Variants in ATP2B4 observed in about 807,000 individuals in gnomAD.
ATP2B4 encodes the protein plasma membrane calcium-transporting ATPase 4.
ATP2B4 carries 39 observed loss-of-function variants against 110.3 expected under a neutral mutation model. The ratio of observed to expected loss-of-function variants is 0.35; its 90% CI spans 0.27 to 0.46. The LOEUF (loss-of-function observed/expected upper bound fraction) is 0.46. ATP2B4 is among the 20% of genes least tolerant of loss of function. ATP2B4 has a pLI of 1.00. For synonymous variants in ATP2B4, 538 were observed against 571.7 expected (o/e 0.94, Z 0.84); for missense variants, 1,135 against 1,530.9 (o/e 0.74, Z 4.32).
chr1:203,712,028 C>T lies in ATP2B4; in HGVS notation c.2100C>T (p.Ile700=). The T allele has an allele frequency of 6.2e-7, 1 of 1,614,140 alleles. No homozygotes were observed. Among genetic ancestry groups the T allele is most frequent in the Non-Finnish European group, 8.5e-7 (1 of 1,180,000 alleles). The change falls in exon 13 of 21, where the codon ATC becomes ATT. Residue 700 remains isoleucine (I), a synonymous_variant. Transcript: ENST00000357681. ...TCAGAATGGTGACAGGTGACAACAT[C>T]AACACAGCCCGGGCCATTGCCACCA... ...ITVRMVTGDN[I]NTARAIATKC...
intron 1 of ATP2B4, among the ~76,000 whole-genome samples, chr1:203,652,421 C>T (rs140938549): frequency 0.011 from 1,687 of 152,288 alleles, 35 homozygotes; most frequent in African/African-American, 0.039. Context: ...GCTGGGATTA[C>T]AGGCGTGAGC....
At chr1:203,660,966 C>T (rs566414530) in intron 1 of ATP2B4, among the ~76,000 whole-genome samples, 67 of 151,448 alleles carry the variant, frequency 4.4e-4, no homozygotes, top group Non-Finnish European at 5.9e-4. Flanking sequence ...AAAAATTAGC[C>T]GGGCATGGTG....
chr1:203,734,927 C>T (rs907213293), intron 20 of ATP2B4, among the ~76,000 whole-genome samples: 2 of 147,132 alleles, frequency 1.4e-5, no homozygotes, highest in African/African-American at 5.0e-5. Flanking sequence ...TCGCTGGAAC[C>T]CAGGAGGCGG....
At chr1:203,655,697 A>G (rs1664140022) in intron 1 of ATP2B4, among the ~76,000 whole-genome samples, 1 of 152,016 alleles carries the variant, frequency 6.6e-6, no homozygotes. Flanking sequence ...AAGAAAAGGA[A>G]AAAATGCTGT....
chr1:203,672,864 T>A (rs1339888978), intron 1 of ATP2B4, among the ~76,000 whole-genome samples: 1 of 152,188 alleles, frequency 6.6e-6, no homozygotes, highest in Non-Finnish European at 1.5e-5. Flanking sequence ...TGGCTTGTTT[T>A]AACTTTTCGA....
intron 1 of ATP2B4, among the ~76,000 whole-genome samples, chr1:203,659,407 A>T (rs1487555041): frequency 6.6e-6 from 1 of 152,186 alleles, no homozygotes; most frequent in Admixed American, 6.5e-5. Context: ...AGTGGCTCAC[A>T]CCCATAATCC....
rs769195846 is a variant in ATP2B4, at chr1:203,713,136, C to T, written c.2212-29C>T. 4 of 1,612,860 alleles carry T rather than the reference C, an allele frequency of 2.5e-6. No individual in the cohort carries two copies. The Admixed American group carries it at 5.0e-5, about 20-fold the overall frequency. On this transcript the variant is annotated intron_variant, in intron 13 of 20. Coordinates refer to ENST00000357681, the MANE Select transcript of ATP2B4 (RefSeq NM_001684.5). ...TCCTGGATAGCTTTTCTGCATTTGA[C>T]TGATCCAGGTGTGGTCTGGTGTTGG...
At chr1:203,702,485 T>C (rs934182276) in intron 7 of ATP2B4, among the ~76,000 whole-genome samples, 13 of 152,190 alleles carry the variant, frequency 8.5e-5, no homozygotes, top group African/African-American at 3.1e-4. Context: ...CACCGTCCTC[T>C]TGCTAGCTTC....
At chr1:203,733,226 G>A (rs572359038) in intron 20 of ATP2B4, 22 of 1,611,160 alleles carry the variant, frequency 1.4e-5, no homozygotes, top group East Asian at 1.1e-4. Context: ...TTTGCAGATC[G>A]ACGTAATTAA....
At chr1:203,724,865 CTGTTTTTTTT>C (rs1393591916) in intron 19 of ATP2B4, among the ~76,000 whole-genome samples, 6 of 101,496 alleles carry the variant, frequency 5.9e-5, no homozygotes, top group African/African-American at 2.5e-4. Context: ...ATCCAGCTCT[CTGTTTTTTTT>C]TTTTTTTTTT....
chr1:203,644,185 G>C (rs968770862), intron 1 of ATP2B4, among the ~76,000 whole-genome samples: 2 of 151,236 alleles, frequency 1.3e-5, no homozygotes, highest in African/African-American at 4.9e-5. Flanking sequence ...TGGAGGCAGA[G>C]GTGGCAGTAA....
intron 1 of ATP2B4, among the ~76,000 whole-genome samples, chr1:203,671,604 G>A (rs376951602): frequency 3.9e-5 from 6 of 152,096 alleles, no homozygotes; most frequent in Admixed American, 2.0e-4. Flanking sequence ...CTAACCCCTC[G>A]GCCAAAAACC....
intron 1 of ATP2B4, among the ~76,000 whole-genome samples, chr1:203,680,869 T>C: frequency 6.6e-6 from 1 of 152,162 alleles, no homozygotes; most frequent in Non-Finnish European, 1.5e-5. Context: ...ACAGAAAAGG[T>C]AAAATCCTCT....
intron 1 of ATP2B4, among the ~76,000 whole-genome samples, chr1:203,658,533 A>AAAAAAAAG (rs1163886954): frequency 1.3e-4 from 19 of 151,944 alleles, no homozygotes; most frequent in African/African-American, 4.6e-4. Flanking sequence ...CCTGTCTCAA[A>AAAAAAAAG]AAAAAAAGAA....
At chr1:203,641,282 G>A (rs763967732) in intron 1 of ATP2B4, among the ~76,000 whole-genome samples, 5 of 152,146 alleles carry the variant, frequency 3.3e-5, no homozygotes, top group Non-Finnish European at 5.9e-5. Flanking sequence ...CAGTCCAAAC[G>A]CCAACAGATG....
At chr1:203,718,330 ACT>A (rs749872797) in intron 15 of ATP2B4, among the ~76,000 whole-genome samples, 7 of 151,396 alleles carry the variant, frequency 4.6e-5, no homozygotes, top group Non-Finnish European at 8.8e-5. Context: ...ACACAGTCTC[ACT>A]CTGTCGCCCA....
intron 1 of ATP2B4, among the ~76,000 whole-genome samples, chr1:203,652,089 G>T (rs1441259367): frequency 1.4e-5 from 2 of 147,028 alleles, no homozygotes; most frequent in Non-Finnish European, 3.0e-5. Context: ...ACCCTTTAGA[G>T]ACAAACAAAA....
At position 203,727,382 on chromosome 1, in the gene ATP2B4, C is replaced by T. The variant is rs574661850; in HGVS notation, c.3133-13C>T. The T allele has an allele frequency of 6.4e-5, 104 of 1,613,468 alleles. No homozygotes were observed. The Middle Eastern group carries it at 8.3e-4, about 13-fold the overall frequency. The stretch of plus-strand genomic sequence containing the variant: ...GATTCTGACGTCTTCCTCTTCGCTG[C>T]GCTTGTTTTCAGTTCATCTCCGCAA... On this transcript the variant is annotated splice_polypyrimidine_tract_variant and intron_variant, in intron 19 of 20. Coordinates refer to ENST00000357681, the MANE Select transcript of ATP2B4 (RefSeq NM_001684.5).
rs1571735189 is a variant in ATP2B4, at chr1:203,698,248, A to G, written c.285A>G (p.Glu95=). Residue 95 remains glutamate (E), a synonymous_variant, in exon 3 of 21, where the codon GAA becomes GAG. Coordinates refer to ENST00000357681, the MANE Select transcript of ATP2B4 (RefSeq NM_001684.5). ...IPPKKPKTFL[E]LVWEALQDVT... Reference sequence around the variant, plus strand: ...CCAAAAAGCCCAAGACTTTCTTAGAATTAGTGTGGGAAGCTCTTCAAGATG... The same window carrying G: ...CCAAAAAGCCCAAGACTTTCTTAGAGTTAGTGTGGGAAGCTCTTCAAGATG... 2 of 1,614,210 alleles carry G rather than the reference A, an allele frequency of 1.2e-6. No individual in the cohort carries two copies. Among genetic ancestry groups the G allele is most frequent in the East Asian group, 4.5e-5 (2 of 44,890 alleles).
Sources: allele counts gnomAD v4.1 joint callset (sites outside exome capture counted in the v4.1 genomes callset), GRCh38; gene constraint gnomAD v4.1.1; transcripts MANE v1.5; gene names NCBI Gene and HGNC (gene_info 2026-07-23, HGNC 2026-07-21).